Variants in MGAT4C observed in about 807,000 individuals in gnomAD.
MGAT4C encodes alpha-1,3-mannosyl-glycoprotein 4-beta-N-acetylglucosaminyltransferase C.
In MGAT4C, 19 loss-of-function variants were observed where a neutral mutation model predicts 40.1. The ratio of observed to expected loss-of-function variants is 0.47; its 90% CI spans 0.33 to 0.70. The LOEUF is 0.70. Among genes scored for constraint, MGAT4C ranks in the 30% least tolerant of loss-of-function variants. The pLI is 0.02. For synonymous variants in MGAT4C, 181 were observed against 187.1 expected, an observed-to-expected ratio of 0.97 and a Z score of 0.27; for missense variants, 491 against 563.2, an observed-to-expected ratio of 0.87 and a Z score of 1.30.
At chr12:86,249,940 T>C (rs956762561) in intron 1 of MGAT4C, among the ~76,000 whole-genome samples, 2 of 152,180 alleles carry the variant, frequency 1.3e-5, no homozygotes, top group Non-Finnish European at 2.9e-5. Flanking sequence ...GTAAAACTTA[T>C]CACAATGGAT....
intron 1 of MGAT4C, among the ~76,000 whole-genome samples, chr12:86,755,994 T>A (rs1183289039): frequency 6.6e-6 from 1 of 151,544 alleles, no homozygotes; most frequent in Non-Finnish European, 1.5e-5. Context: ...TAATCATTAA[T>A]ATTTTAAAAT....
chr12:86,028,504 A>G (rs1890446548), intron 2 of MGAT4C, among the ~76,000 whole-genome samples: 1 of 151,784 alleles, frequency 6.6e-6, no homozygotes, highest in Non-Finnish European at 1.5e-5. Context: ...TTTTTTCCCC[A>G]GATAAACTCT....
At chr12:86,096,343 T>C (rs1873910319) in intron 1 of MGAT4C, among the ~76,000 whole-genome samples, 4 of 151,510 alleles carry the variant, frequency 2.6e-5, no homozygotes, top group African/African-American at 9.7e-5. Context: ...CTCCTTTACT[T>C]TGGTATTCTT....
intron 2 of MGAT4C, among the ~76,000 whole-genome samples, chr12:86,473,399 T>A (rs566095019): frequency 1.3e-5 from 2 of 152,362 alleles, no homozygotes; most frequent in South Asian, 4.1e-4. Flanking sequence ...TTTCAGATGT[T>A]GATTCTTTCT....
chr12:86,562,036 G>A lies in MGAT4C; in HGVS notation c.-228-126771C>T, dbSNP rs112528313. 3.1e-3 allele frequency among the ~76,000 whole-genome samples: 479 copies of A among 152,214 alleles called. 1 individual carries two copies. Among genetic ancestry groups the A allele is most frequent in the African/African-American group, 0.011 (463 of 41,528 alleles). On this transcript the variant is annotated intron_variant, in intron 2 of 7. Transcript: ENST00000548651. The stretch of plus-strand genomic sequence containing the variant: ...GCTCTTGAGAGGCAAGGAGTTTAGT[G>A]ACTCTATACATATACCTTTCACCAC...
At chr12:86,640,413 A>G (rs1437806538) in intron 2 of MGAT4C, among the ~76,000 whole-genome samples, 1 of 151,812 alleles carries the variant, frequency 6.6e-6, no homozygotes, top group Non-Finnish European at 1.5e-5. Flanking sequence ...CAACCTGTCC[A>G]TAAGTTTTAA....
chr12:86,754,818 T>C (rs2136145029), intron 1 of MGAT4C, among the ~76,000 whole-genome samples: 1 of 151,978 alleles, frequency 6.6e-6, no homozygotes, highest in Admixed American at 6.6e-5. Flanking sequence ...CTGAGAAGAG[T>C]TTTGTCAATA....
chr12:86,591,771 T>C (rs1185355165), intron 2 of MGAT4C, among the ~76,000 whole-genome samples: 2 of 151,712 alleles, frequency 1.3e-5, no homozygotes, highest in African/African-American at 4.8e-5. Context: ...AATTTAATTA[T>C]ATAAAAGCAT....
intron 2 of MGAT4C, among the ~76,000 whole-genome samples, chr12:86,008,411 A>G (rs1183308401): frequency 6.6e-6 from 1 of 151,888 alleles, no homozygotes; most frequent in African/African-American, 2.4e-5. Flanking sequence ...TCTTTTTTCT[A>G]TTATAACAAG....
intron 3 of MGAT4C, among the ~76,000 whole-genome samples, chr12:86,350,973 A>G (rs1955146237): frequency 6.6e-6 from 1 of 151,634 alleles, no homozygotes; most frequent in South Asian, 2.1e-4. Context: ...CCCACCATAT[A>G]TATATCTATA....
intron 2 of MGAT4C, among the ~76,000 whole-genome samples, chr12:86,531,816 T>G (rs1958990221): frequency 6.6e-6 from 1 of 151,988 alleles, no homozygotes; most frequent in African/African-American, 2.4e-5. Flanking sequence ...TATTTTGAGT[T>G]TGTTATATAG....
intron 2 of MGAT4C, among the ~76,000 whole-genome samples, chr12:86,522,859 A>G (rs1400059370): frequency 6.6e-6 from 1 of 152,040 alleles, no homozygotes; most frequent in African/African-American, 2.4e-5. Context: ...GAATTTAATC[A>G]TTTATTCTAG....
chr12:86,585,778 T>C (rs1458301068), intron 2 of MGAT4C, among the ~76,000 whole-genome samples: 1 of 150,392 alleles, frequency 6.6e-6, no homozygotes. Flanking sequence ...TCCCCCACTT[T>C]ATTGAAACAA....
chr12:86,175,795 C>CAAA (rs61441239), intron 1 of MGAT4C, among the ~76,000 whole-genome samples: 34 of 83,644 alleles, frequency 4.1e-4, no homozygotes, highest in Admixed American at 9.7e-4. Context: ...ACTAAAAATA[C>CAAA]AAAAAAAAAA....
rs1183474703 is a variant in MGAT4C at position 85,970,995 on chromosome 12, T to C, written c.*8294A>G. On this transcript the variant is annotated 3_prime_UTR_variant, in exon 5 of 5. Transcript: ENST00000611864. ...GACTATTGTTTGTGTTAAGTGAAAT[T>C]ATACCTTGTAAAATTTCATATTATG... is the stretch of plus-strand genomic sequence containing the variant. The C allele has an allele frequency of 6.6e-6, 1 of 151,210 alleles. No individual in the cohort carries two copies. Among genetic ancestry groups the C allele is most frequent in the Non-Finnish European group, 1.5e-5 (1 of 67,354 alleles). The allele number at this position is 151,210 out of a possible 1,614,324, so 9.4% of individuals were successfully genotyped here. A position where few individuals can be genotyped will look rare whatever the true frequency, so the allele number is the denominator to read the frequency against.
upstream of MGAT4C, among the ~76,000 whole-genome samples, chr12:86,257,407 C>T (rs1952552979): frequency 6.6e-6 from 1 of 152,216 alleles, no homozygotes; most frequent in Admixed American, 6.5e-5. Context: ...ATGACCAGTT[C>T]CTTCTAAATC....
At chr12:86,242,389 T>A (rs923992702) in intron 1 of MGAT4C, among the ~76,000 whole-genome samples, 4 of 152,212 alleles carry the variant, frequency 2.6e-5, no homozygotes, top group Admixed American at 2.6e-4. Context: ...TTCCCTTGAA[T>A]CTGCATCATT....
rs1323137231 is a variant in MGAT4C, at chr12:85,956,107, A to G, written c.*23182T>C. 1 of 152,238 alleles carries G rather than the reference A, an allele frequency of 6.6e-6. No individual in the cohort carries two copies. The highest frequency in any genetic ancestry group is 2.4e-5 in the African/African-American group (1 of 41,476). The allele number at this position is 152,238 out of a possible 1,614,324, so 9.4% of individuals were successfully genotyped here. ...GACTGAAATCACTCTTTCAATAACAAAAGATATATTTGTATGGTAGCTAGT... is the reference window on the plus strand; with the variant it reads ...GACTGAAATCACTCTTTCAATAACAGAAGATATATTTGTATGGTAGCTAGT... On this transcript the variant is annotated 3_prime_UTR_variant, in exon 5 of 5. Coordinates refer to ENST00000611864, the MANE Select transcript of MGAT4C (RefSeq NM_001351288.2).
At position 85,957,578 on chromosome 12, in the gene MGAT4C, T is replaced by TCTAG. The variant is rs1431665569; in HGVS notation, c.*21707_*21710dup. The TCTAG allele has an allele frequency of 4.0e-5, 6 of 149,464 alleles. No individual in the cohort carries two copies. The highest frequency in any genetic ancestry group is 8.9e-5 in the Non-Finnish European group (6 of 67,692). The allele number at this position is 149,464 out of a possible 1,614,324, so 9.3% of individuals were successfully genotyped here. ...TTGACCTTTATCCTACTATCCTCCTTCTAGCTATGGCTGAAGATAGCTCTG... is the reference window on the plus strand; with the variant it reads ...TTGACCTTTATCCTACTATCCTCCTTCTAGCTAGCTATGGCTGAAGATAGCTCTG... On this transcript the variant is annotated 3_prime_UTR_variant, in exon 5 of 5. Transcript: ENST00000611864.
Sources: gnomAD v4.1 joint callset for allele counts (sites outside exome capture counted in the v4.1 genomes callset) on GRCh38, gnomAD v4.1.1 for gene constraint, MANE v1.5 for transcripts, NCBI Gene and HGNC (gene_info 2026-07-23, HGNC 2026-07-21) for gene names.